MGAT4C: variants seen among roughly 807,000 people sequenced by gnomAD.
The protein encoded by MGAT4C is alpha-1,3-mannosyl-glycoprotein 4-beta-N-acetylglucosaminyltransferase C.
Under a neutral mutation model 40.1 loss-of-function variants are expected in MGAT4C, and 19 were observed. That is an observed-to-expected ratio of 0.47 (90% CI 0.33 to 0.70). The LOEUF (loss-of-function observed/expected upper bound fraction) is 0.70. Among genes scored for constraint, MGAT4C ranks in the 30% least tolerant of loss-of-function variants. The probability of loss-of-function intolerance (pLI) is 0.02; values close to 1 mark genes in which losing one functional copy is unlikely to be tolerated. For missense variants in MGAT4C, 491 were observed against 563.2 expected, an observed-to-expected ratio of 0.87 and a Z score of 1.30; for synonymous variants, 181 against 187.1, an observed-to-expected ratio of 0.97 and a Z score of 0.27.
At chr12:86,071,554 T>C (rs1868467554) in intron 1 of MGAT4C, among the ~76,000 whole-genome samples, 1 of 152,116 alleles carries the variant, frequency 6.6e-6, no homozygotes, top group Admixed American at 6.6e-5. Context: ...TGAAGGCTGC[T>C]AATTTGTGCA....
intron 2 of MGAT4C, among the ~76,000 whole-genome samples, chr12:86,469,293 G>C (rs1346119838): frequency 6.6e-6 from 1 of 152,108 alleles, no homozygotes; most frequent in Non-Finnish European, 1.5e-5. Flanking sequence ...GCTGTACCTA[G>C]AGAATTGCTT....
intron 4 of MGAT4C, among the ~76,000 whole-genome samples, chr12:86,287,561 G>T (rs1418393684): frequency 1.3e-5 from 2 of 152,010 alleles, no homozygotes; most frequent in Non-Finnish European, 2.9e-5. Context: ...CTGTGTCCAT[G>T]TGTTCTTATT....
intron 1 of MGAT4C, among the ~76,000 whole-genome samples, chr12:86,212,252 C>T (rs1950502071): frequency 6.6e-6 from 1 of 152,164 alleles, no homozygotes; most frequent in Non-Finnish European, 1.5e-5. Context: ...ACCCTACTAA[C>T]ATTCTAATCT....
intron 1 of MGAT4C, among the ~76,000 whole-genome samples, chr12:86,751,192 C>G (rs1048401866): frequency 6.6e-6 from 1 of 151,930 alleles, no homozygotes; most frequent in East Asian, 1.9e-4. Flanking sequence ...AGACAATCTA[C>G]TAGAGAATAT....
chr12:86,831,096 A>G (rs1952918086), intron 1 of MGAT4C, among the ~76,000 whole-genome samples: 1 of 151,534 alleles, frequency 6.6e-6, no homozygotes. Context: ...GCCGACCCCC[A>G]TTGGAAACCC....
intron 1 of MGAT4C, among the ~76,000 whole-genome samples, chr12:86,748,284 G>C (rs2136138280): frequency 6.6e-6 from 1 of 151,646 alleles, no homozygotes; most frequent in South Asian, 2.1e-4. Context: ...GTAACAAACA[G>C]TTCTAATTGT....
At chr12:86,140,786 A>C (rs1344218484) in intron 1 of MGAT4C, among the ~76,000 whole-genome samples, 1 of 152,318 alleles carries the variant, frequency 6.6e-6, no homozygotes, top group East Asian at 1.9e-4. Flanking sequence ...CAAATAGTCA[A>C]TGTTCATTAT....
At chr12:86,626,981 C>A (rs1373260340) in intron 2 of MGAT4C, among the ~76,000 whole-genome samples, 2 of 152,226 alleles carry the variant, frequency 1.3e-5, no homozygotes, top group Non-Finnish European at 2.9e-5. Context: ...GAAGCCGTGA[C>A]AGGCTGTACC....
chr12:86,075,286 C>A (rs1036024809), intron 1 of MGAT4C, among the ~76,000 whole-genome samples: 1 of 151,766 alleles, frequency 6.6e-6, no homozygotes, highest in African/African-American at 2.4e-5. Context: ...TTTTAAAGTC[C>A]CAAAATGATC....
chr12:86,024,075 T>C (rs949389593), intron 2 of MGAT4C, among the ~76,000 whole-genome samples: 2 of 151,970 alleles, frequency 1.3e-5, no homozygotes, highest in Non-Finnish European at 2.9e-5. Flanking sequence ...ATAGTGATAG[T>C]ATGCATTTTG....
intron 1 of MGAT4C, among the ~76,000 whole-genome samples, chr12:86,202,552 T>A (rs839154): frequency 0.68 from 102,530 of 151,830 alleles, 34,941 homozygotes; most frequent in South Asian, 0.75. Context: ...TATAGGTTGA[T>A]ATTTTTCACC....
In MGAT4C at chr12:86,779,507, T is replaced by C. The variant is rs942555913; in HGVS notation, c.-261-52266A>G. 5.3e-5 allele frequency among the ~76,000 whole-genome samples: 8 copies of C among 150,078 alleles called. No individual in the cohort carries two copies. In the South Asian group the frequency reaches 1.7e-3, roughly 32 times the overall value. ...GTCCCAGATACTGGGGAAGTGGAGG[T>C]GAGAGGGTTGCCTGAGCCCAGAAGT... is the stretch of plus-strand genomic sequence containing the variant. On this transcript the variant is annotated intron_variant, in intron 1 of 7. Coordinates refer to the MGAT4C transcript ENST00000548651.
chr12:86,152,479 A>G (rs1884415633), intron 1 of MGAT4C, among the ~76,000 whole-genome samples: 12 of 152,082 alleles, frequency 7.9e-5, no homozygotes, highest in Admixed American at 7.2e-4. Context: ...TGCCCTCATG[A>G]CTTAATCACC....
At chr12:86,603,454 C>CTA (rs564160119) in intron 2 of MGAT4C, among the ~76,000 whole-genome samples, 66 of 113,508 alleles carry the variant, frequency 5.8e-4, no homozygotes, top group African/African-American at 2.0e-3. Flanking sequence ...AGTCTATAGA[C>CTA]TATATAATAT....
intron 3 of MGAT4C, among the ~76,000 whole-genome samples, chr12:86,396,832 T>C (rs994878121): frequency 7.5e-6 from 1 of 133,544 alleles, no homozygotes; most frequent in Admixed American, 7.8e-5. Flanking sequence ...ATAATAAAAA[T>C]ACTTTCAGAC....
intron 1 of MGAT4C, among the ~76,000 whole-genome samples, chr12:86,743,811 A>T (rs1244476036): frequency 6.6e-6 from 1 of 151,644 alleles, no homozygotes; most frequent in Non-Finnish European, 1.5e-5. Context: ...TGACAGCTGT[A>T]AAATTAAATT....
intron 3 of MGAT4C, among the ~76,000 whole-genome samples, chr12:86,390,115 C>T (rs553226015): frequency 1.3e-5 from 2 of 152,168 alleles, no homozygotes; most frequent in East Asian, 1.9e-4. Context: ...GAAACAAGCC[C>T]GGTTGACCCA....
chr12:86,827,886 T>C (rs1952838797), intron 1 of MGAT4C, among the ~76,000 whole-genome samples: 2 of 151,450 alleles, frequency 1.3e-5, no homozygotes, highest in Non-Finnish European at 3.0e-5. Flanking sequence ...TGAAAAAAGT[T>C]CGTATGCTTT....
At chr12:86,002,682 T>A (rs1887454391) in intron 2 of MGAT4C, among the ~76,000 whole-genome samples, 1 of 149,584 alleles carries the variant, frequency 6.7e-6, no homozygotes, top group Non-Finnish European at 1.5e-5. Flanking sequence ...AGAATATACA[T>A]ATATCCCATT....
Sources: gnomAD v4.1 joint callset for allele counts (sites outside exome capture counted in the v4.1 genomes callset) on GRCh38, gnomAD v4.1.1 for gene constraint, MANE v1.5 for transcripts, NCBI Gene and HGNC (gene_info 2026-07-23, HGNC 2026-07-21) for gene names.